Variants in INPP5A observed in about 807,000 individuals in gnomAD.
INPP5A encodes the protein 43 kDa inositol polyphosphate 5-phophatase.
In INPP5A, 14 loss-of-function variants were observed where a neutral mutation model predicts 65.2. The ratio of observed to expected loss-of-function variants is 0.21; its 90% CI spans 0.14 to 0.34. The LOEUF (loss-of-function observed/expected upper bound fraction) is 0.34, where lower values mean the gene tolerates loss of function less well. Ranked by LOEUF, INPP5A falls within the 10% of genes least tolerant of loss-of-function variation. The pLI is 1.00. For synonymous variants in INPP5A, 207 were observed against 208.3 expected (o/e 0.99, Z 0.05); for missense variants, 431 against 545.6 (o/e 0.79, Z 2.09).
At chr10:132,740,036 C>T (rs1486207339) in intron 9 of INPP5A, among the ~76,000 whole-genome samples, 3 of 152,140 alleles carry the variant, frequency 2.0e-5, no homozygotes, top group Non-Finnish European at 4.4e-5. Flanking sequence ...ACGTTGGGGC[C>T]GCCTGTGAAG....
At chr10:132,564,374 G>A (rs774112168) in intron 1 of INPP5A, among the ~76,000 whole-genome samples, 8 of 152,076 alleles carry the variant, frequency 5.3e-5, no homozygotes, top group Non-Finnish European at 1.2e-4. Context: ...TTGTGAGCAC[G>A]TCTCTGGTGG....
At chr10:132,718,067 G>A (rs1416747051) in intron 8 of INPP5A, among the ~76,000 whole-genome samples, 15 of 131,148 alleles carry the variant, frequency 1.1e-4, no homozygotes, top group Admixed American at 5.5e-4. Context: ...TCTGTGGTGC[G>A]TGGGTTCTGT....
chr10:132,541,812 G>A (rs1282433567), intron 1 of INPP5A, among the ~76,000 whole-genome samples: 1 of 152,228 alleles, frequency 6.6e-6, no homozygotes. Flanking sequence ...TCCCCATACT[G>A]TCATGGGCAC....
chr10:132,544,535 C>T (rs116213561), intron 1 of INPP5A, among the ~76,000 whole-genome samples: 2,070 of 152,124 alleles, frequency 0.014, 43 homozygotes, highest in African/African-American at 0.045. Context: ...GCGGCAGGAT[C>T]GTCTGTCTGC....
At chr10:132,595,852 A>G (rs2071679033) in intron 1 of INPP5A, among the ~76,000 whole-genome samples, 1 of 151,174 alleles carries the variant, frequency 6.6e-6, no homozygotes, top group South Asian at 2.1e-4. Context: ...TTTTTTAAGG[A>G]CTGACTCCCA....
chr10:132,683,423 T>C (rs949015421), intron 4 of INPP5A, among the ~76,000 whole-genome samples: 7 of 152,232 alleles, frequency 4.6e-5, no homozygotes, highest in Admixed American at 4.6e-4. Context: ...AGGGCACGTG[T>C]CTGCGGTGAC....
chr10:132,781,891 G>C lies in INPP5A; in HGVS notation c.1189G>C (p.Gly397Arg). ...GTTCCTGGCCTTCCGAATCATGCCC[G>C]GGGCAGGTAAACCTCATGCCCATGT... ...PVFLAFRIMP[G>R]AGKPHAHVHK... Residue 397 changes from glycine to arginine, a missense_variant, in exon 15 of 16, where the codon GGG becomes CGG. Physicochemically the swap from Gly to Arg is moderately radical, Grantham distance 125. Transcript: ENST00000368594. 6.2e-7 allele frequency: 1 copy of C among 1,613,794 alleles called. No homozygotes were observed. Among genetic ancestry groups the C allele is most frequent in the Non-Finnish European group, 8.5e-7 (1 of 1,179,954 alleles).
intron 11 of INPP5A, among the ~76,000 whole-genome samples, chr10:132,752,910 A>G (rs1286728005): frequency 6.6e-6 from 1 of 152,124 alleles, no homozygotes; most frequent in Non-Finnish European, 1.5e-5. Context: ...TTGGTTCTGA[A>G]TGAAAACACG....
intron 1 of INPP5A, among the ~76,000 whole-genome samples, chr10:132,567,642 C>G (rs1036514496): frequency 1.3e-5 from 2 of 152,196 alleles, no homozygotes; most frequent in Non-Finnish European, 2.9e-5. Flanking sequence ...CTTTTCCGCT[C>G]CATGTAAACG....
chr10:132,726,605 G>A lies in INPP5A; in HGVS notation c.648-216G>A, dbSNP rs925378387. On this transcript the variant is annotated intron_variant, in intron 8 of 15. Coordinates refer to ENST00000368594, the MANE Select transcript of INPP5A (RefSeq NM_005539.5). Reference sequence around the variant, plus strand: ...TGTCGCTGGCAACAGATGCGTGTCCGTGTTGCCAAGGGCTGAGCACTGCTC... The same window carrying A: ...TGTCGCTGGCAACAGATGCGTGTCCATGTTGCCAAGGGCTGAGCACTGCTC... 6.6e-5 allele frequency among the ~76,000 whole-genome samples: 10 copies of A among 152,312 alleles called. No individual in the cohort carries two copies. In the South Asian group the frequency reaches 1.7e-3, roughly 25 times the overall value.
At chr10:132,748,102 C>G (rs531820164) in intron 9 of INPP5A, among the ~76,000 whole-genome samples, 151 of 152,310 alleles carry the variant, frequency 9.9e-4, no homozygotes, top group Non-Finnish European at 1.9e-3. Context: ...AATTTACACA[C>G]AAGCTATAAT....
At chr10:132,736,942 G>C (rs1426138953) in intron 9 of INPP5A, among the ~76,000 whole-genome samples, 1 of 152,218 alleles carries the variant, frequency 6.6e-6, no homozygotes, top group East Asian at 1.9e-4. Context: ...TCCCTCAGCC[G>C]TGGGCACAGT....
intron 9 of INPP5A, among the ~76,000 whole-genome samples, chr10:132,739,048 G>T (rs1374787920): frequency 6.6e-6 from 1 of 152,166 alleles, no homozygotes; most frequent in African/African-American, 2.4e-5. Flanking sequence ...AAGGGAGGCC[G>T]GCGAAGTGTC....
chr10:132,685,280 C>T (rs2073100772), intron 4 of INPP5A, among the ~76,000 whole-genome samples: 1 of 152,370 alleles, frequency 6.6e-6, no homozygotes, highest in African/African-American at 2.4e-5. Flanking sequence ...TGGCAGGCTC[C>T]ACAGAGATCC....
intron 1 of INPP5A, among the ~76,000 whole-genome samples, chr10:132,607,584 CT>C (rs1166803464): frequency 3.3e-5 from 5 of 152,396 alleles, no homozygotes; most frequent in African/African-American, 1.2e-4. Context: ...GCTGAGCCGT[CT>C]CTTCCCTGGG....
chr10:132,648,200 G>T (rs866372826), intron 3 of INPP5A, among the ~76,000 whole-genome samples: 1 of 152,266 alleles, frequency 6.6e-6, no homozygotes, highest in Non-Finnish European at 1.5e-5. Flanking sequence ...GAAAGTGGGG[G>T]TGCACCCTGA....
intron 1 of INPP5A, among the ~76,000 whole-genome samples, chr10:132,543,342 G>T (rs947631561): frequency 1.3e-5 from 2 of 151,838 alleles, no homozygotes; most frequent in Non-Finnish European, 2.9e-5. Context: ...CCTTTGACCT[G>T]ACTGCTTTCA....
intron 12 of INPP5A, among the ~76,000 whole-genome samples, chr10:132,775,447 G>A (rs774084729): frequency 1.1e-4 from 16 of 152,194 alleles, no homozygotes; most frequent in Middle Eastern, 3.4e-3. Flanking sequence ...GCGTGGCCCC[G>A]CCAGCACCTC....
chr10:132,554,718 G>A (rs1365994002), intron 1 of INPP5A, among the ~76,000 whole-genome samples: 1 of 151,202 alleles, frequency 6.6e-6, no homozygotes. Flanking sequence ...TGATCAATGT[G>A]GGTGGCGTGG....
Sources: gnomAD v4.1 joint callset for allele counts (sites outside exome capture counted in the v4.1 genomes callset) on GRCh38, gnomAD v4.1.1 for gene constraint, MANE v1.5 for transcripts, NCBI Gene and HGNC (gene_info 2026-07-23, HGNC 2026-07-21) for gene names.